TMTC2: variants seen among roughly 807,000 people sequenced by gnomAD.
TMTC2 encodes the protein transmembrane O-mannosyltransferase targeting cadherins 2, also known as protein O-mannosyl-transferase TMTC2.
Under a neutral mutation model 82.4 loss-of-function variants are expected in TMTC2, and 43 were observed. The observed-to-expected ratio is 0.52, with a 90% CI of 0.41 to 0.67. The LOEUF (loss-of-function observed/expected upper bound fraction) is 0.67. TMTC2 is among the 30% of genes least tolerant of loss of function. The pLI is 0.00. For synonymous variants in TMTC2, 408 were observed against 381.9 expected, an observed-to-expected ratio of 1.07 and a Z score of -0.80; for missense variants, 919 against 1,012.4, an observed-to-expected ratio of 0.91 and a Z score of 1.25.
At chr12:82,891,464 A>G (rs555301264) in intron 2 of TMTC2, among the ~76,000 whole-genome samples, 5 of 151,954 alleles carry the variant, frequency 3.3e-5, no homozygotes, top group Non-Finnish European at 7.4e-5. Flanking sequence ...ATGCGCCACC[A>G]CGCCTGGCTA....
intron 2 of TMTC2, among the ~76,000 whole-genome samples, chr12:82,883,080 AAAC>A (rs1872917166): frequency 6.6e-6 from 1 of 150,428 alleles, no homozygotes. Context: ...AAAAAAAAAA[AAAC>A]CAAAACCTTA....
At chr12:82,950,359 A>G (rs542177974) in intron 4 of TMTC2, among the ~76,000 whole-genome samples, 2 of 152,204 alleles carry the variant, frequency 1.3e-5, no homozygotes, top group Non-Finnish European at 2.9e-5. Flanking sequence ...ATTCACACCT[A>G]TTATTTTGAC....
Position 82,687,614 on chromosome 12 carries a change from C to A in TMTC2, c.28C>A (p.Leu10Met). MIAELVSSALGLALYLNTLS... is the reference protein window; with the variant it reads MIAELVSSAMGLALYLNTLS... ...GATTGCAGAGTTGGTGAGCAGCGCT[C>A]TGGGGCTCGCCTTGTATCTCAACAC... is the stretch of plus-strand genomic sequence containing the variant. Residue 10 changes from leucine (L) to methionine (M), a missense_variant, in exon 1 of 12, where the codon CTG (leucine) becomes ATG (methionine). Leu to Met is a conservative substitution (Grantham distance 15). Transcript: ENST00000321196. The A allele has an allele frequency of 6.2e-7, 1 of 1,602,790 alleles. No individual in the cohort carries two copies. The highest frequency in any genetic ancestry group is 1.3e-5 in the African/African-American group (1 of 74,976).
chr12:82,770,316 T>G (rs965657166), intron 1 of TMTC2, among the ~76,000 whole-genome samples: 17 of 152,314 alleles, frequency 1.1e-4, no homozygotes, highest in African/African-American at 4.1e-4. Context: ...CTGAGTCTAT[T>G]GTTTATAAGA....
chr12:83,108,101 G>A (rs935687257), intron 11 of TMTC2, among the ~76,000 whole-genome samples: 174 of 152,112 alleles, frequency 1.1e-3, no homozygotes, highest in African/African-American at 3.6e-3. Context: ...CTCCCCAGCC[G>A]TGCTTTTTAT....
At chr12:82,692,009 G>C (rs1348286970) in intron 1 of TMTC2, among the ~76,000 whole-genome samples, 1 of 152,042 alleles carries the variant, frequency 6.6e-6, no homozygotes, top group Non-Finnish European at 1.5e-5. Flanking sequence ...AAACCTATTT[G>C]GAAAAAGTTC....
At chr12:82,859,986 G>GT (rs1301246891) in intron 2 of TMTC2, among the ~76,000 whole-genome samples, 1 of 152,052 alleles carries the variant, frequency 6.6e-6, no homozygotes, top group Non-Finnish European at 1.5e-5. Context: ...TGTTGTTGTT[G>GT]TTTTTGAGAC....
chr12:83,100,859 G>A (rs545281377), intron 11 of TMTC2, among the ~76,000 whole-genome samples: 4 of 152,170 alleles, frequency 2.6e-5, no homozygotes, highest in East Asian at 1.9e-4. Context: ...TAGCTATTAC[G>A]AAGCCTCTGG....
At position 82,687,584 on chromosome 12, in the gene TMTC2, G is replaced by T; in HGVS notation, c.-3G>T. 1 of 1,596,222 alleles carries T rather than the reference G, an allele frequency of 6.3e-7. No individual in the cohort carries two copies. Among genetic ancestry groups the T allele is most frequent in the Non-Finnish European group, 8.5e-7 (1 of 1,173,060 alleles). On this transcript the variant is annotated 5_prime_UTR_variant, in exon 1 of 12. Coordinates refer to ENST00000321196, the MANE Select transcript of TMTC2 (RefSeq NM_152588.3). ...GCCGAGCCGGAGGGAAGGCGGTGGAGAGATGATTGCAGAGTTGGTGAGCAG... is the reference window on the plus strand; with the variant it reads ...GCCGAGCCGGAGGGAAGGCGGTGGATAGATGATTGCAGAGTTGGTGAGCAG...
chr12:83,111,915 C>T (rs1009851154), intron 11 of TMTC2, among the ~76,000 whole-genome samples: 3 of 151,756 alleles, frequency 2.0e-5, no homozygotes, highest in African/African-American at 7.3e-5. Context: ...CTCCTTCAAG[C>T]CTGGGCAACA....
At chr12:82,955,597 C>A (rs1877571779) in intron 4 of TMTC2, among the ~76,000 whole-genome samples, 1 of 152,026 alleles carries the variant, frequency 6.6e-6, no homozygotes, top group African/African-American at 2.4e-5. Context: ...AAAAAAAGAG[C>A]TAAAAGGATT....
intron 4 of TMTC2, among the ~76,000 whole-genome samples, chr12:82,946,036 A>G (rs574290756): frequency 2.2e-4 from 33 of 152,276 alleles, no homozygotes; most frequent in African/African-American, 7.7e-4. Flanking sequence ...CTTTGCTTCA[A>G]TGTTACTCTC....
intron 7 of TMTC2, among the ~76,000 whole-genome samples, chr12:82,974,635 G>A (rs1027320077): frequency 1.3e-5 from 2 of 152,172 alleles, no homozygotes; most frequent in Non-Finnish European, 2.9e-5. Flanking sequence ...AACAAGACAG[G>A]TTAACTTGAC....
chr12:82,839,323 C>CT (rs1422833140), intron 1 of TMTC2, among the ~76,000 whole-genome samples: 2 of 152,152 alleles, frequency 1.3e-5, no homozygotes, highest in Non-Finnish European at 1.5e-5. Flanking sequence ...ATGTGAGAAT[C>CT]TATCTATTCT....
chr12:82,744,406 G>C (rs1392924582), intron 1 of TMTC2, among the ~76,000 whole-genome samples: 1 of 152,092 alleles, frequency 6.6e-6, no homozygotes, highest in Non-Finnish European at 1.5e-5. Flanking sequence ...CCGGTTGACA[G>C]AGCGAGACTG....
chr12:82,963,725 G>A (rs1241376003), intron 4 of TMTC2, among the ~76,000 whole-genome samples: 5 of 138,528 alleles, frequency 3.6e-5, no homozygotes, highest in Non-Finnish European at 6.1e-5. Context: ...GTTCCTAGCA[G>A]CAGACAAGAA....
At chr12:82,817,497 C>T (rs932931124) in intron 1 of TMTC2, among the ~76,000 whole-genome samples, 2 of 152,084 alleles carry the variant, frequency 1.3e-5, no homozygotes, top group African/African-American at 4.8e-5. Context: ...AGTGGAGTGA[C>T]AGAAGGCCAT....
At chr12:82,932,713 C>A (rs77503716) in intron 4 of TMTC2, among the ~76,000 whole-genome samples, 1 of 151,978 alleles carries the variant, frequency 6.6e-6, no homozygotes, top group South Asian at 2.1e-4. Flanking sequence ...TTTCTGGTTC[C>A]GATCCTTCAT....
At chr12:83,081,134 A>C (rs934420685) in intron 11 of TMTC2, among the ~76,000 whole-genome samples, 1 of 152,214 alleles carries the variant, frequency 6.6e-6, no homozygotes, top group African/African-American at 2.4e-5. Flanking sequence ...TAAAGTTTGC[A>C]TCTTCAACAG....
Sources: allele counts gnomAD v4.1 joint callset (sites outside exome capture counted in the v4.1 genomes callset), GRCh38; gene constraint gnomAD v4.1.1; transcripts MANE v1.5; gene names NCBI Gene and HGNC (gene_info 2026-07-23, HGNC 2026-07-21).